WDR3: variants seen among roughly 807,000 people sequenced by gnomAD.
WDR3 encodes the protein WD repeat-containing protein 3.
WDR3 carries 81 observed loss-of-function variants against 123.7 expected under a neutral mutation model. The ratio of observed to expected loss-of-function variants is 0.65; its 90% confidence interval spans 0.55 to 0.79. WDR3 has a LOEUF of 0.79. Ranked by LOEUF, WDR3 falls within the 30% of genes least tolerant of loss-of-function variation. The pLI, the probability that WDR3 is intolerant of heterozygous loss-of-function variation, is 0.00. For synonymous variants in WDR3, 390 were observed against 388.8 expected (o/e 1.00, Z -0.04); for missense variants, 1,027 against 1,123.2 (o/e 0.91, Z 1.22).
Position 117,934,489 on chromosome 1 carries a change from G to T in WDR3, c.188G>T (p.Gly63Val), listed in dbSNP as rs1464165551. ...TGATTTCAGATTCTTATCCTTCAGG[G>T]GCTTAAACAAGAAGTTACTTGCTTA... ...RKGEKILILQ[G>V]LKQEVTCLCP... The change falls in exon 3 of 27, where the codon GGG becomes GTG. Residue 63 changes from glycine to valine, a missense_variant. Gly to Val is a moderately radical substitution (Grantham distance 109). Transcript: ENST00000349139. 6.2e-7 allele frequency: 1 copy of T among 1,613,650 alleles called. No homozygotes were observed. Among genetic ancestry groups the T allele is most frequent in the Non-Finnish European group, 8.5e-7 (1 of 1,179,888 alleles).
rs746360659 is a variant in WDR3, at chr1:117,953,556, A to C, written c.2268+15A>C. ...CAGTGAAAGCAGTAAGTTGATATAGAATGTGGTATCTCGTTTTTTAATAAG... is the reference window on the plus strand; with the variant it reads ...CAGTGAAAGCAGTAAGTTGATATAGCATGTGGTATCTCGTTTTTTAATAAG... On this transcript the variant is annotated intron_variant, in intron 21 of 26. Coordinates refer to ENST00000349139, the MANE Select transcript of WDR3 (RefSeq NM_006784.3). The C allele has an allele frequency of 1.2e-6, 2 of 1,608,316 alleles. No homozygotes were observed. The highest frequency in any genetic ancestry group is 1.7e-6 in the Non-Finnish European group (2 of 1,177,304).
intron 1 of WDR3, among the ~76,000 whole-genome samples, chr1:117,931,144 A>G (rs1178854536): frequency 5.9e-5 from 9 of 152,110 alleles, no homozygotes; most frequent in Non-Finnish European, 1.2e-4. Flanking sequence ...TGTGTTGCCT[A>G]TGTTGGTCTG....
rs900529696 is a variant in WDR3 at position 117,962,769 on chromosome 1, A to G, written c.*3322A>G. On this transcript the variant is annotated 3_prime_UTR_variant, in exon 27 of 27. Transcript: ENST00000349139. ...AAGATATCTAGCAAATCTCCAGCAGAGATCTAGGACAGTGCCCAGGAAAGC... is the reference window on the plus strand; with the variant it reads ...AAGATATCTAGCAAATCTCCAGCAGGGATCTAGGACAGTGCCCAGGAAAGC... The G allele has an allele frequency of 6.6e-6, 1 of 152,276 alleles. No individual in the cohort carries two copies. The highest frequency in any genetic ancestry group is 2.4e-5 in the African/African-American group (1 of 41,476). 9.4% of individuals were successfully genotyped at this position (152,276 alleles called of 1,614,324 possible). A position where few individuals can be genotyped will look rare whatever the true frequency, so the allele number is the denominator to read the frequency against.
intron 9 of WDR3, 58 bp downstream of exon 9, chr1:117,941,905 C>T: frequency 2.0e-6 from 3 of 1,496,908 alleles, no homozygotes; most frequent in Non-Finnish European, 2.6e-6. Flanking sequence ...CCCCATGTTA[C>T]TGAAAAAAAA....
chr1:117,960,361 GA>G lies in WDR3; in HGVS notation c.*918del, dbSNP rs1432784395. ...TACTGTATTCTTAAAGTAAGCTAGA[GA>G]AAAGAAAATGTTACTTAGAAAATCA... On this transcript the variant is annotated 3_prime_UTR_variant, in exon 27 of 27. Transcript: ENST00000349139. 3 of 152,086 alleles carry G rather than the reference GA, an allele frequency of 2.0e-5. No homozygotes were observed. Among genetic ancestry groups the G allele is most frequent in the Non-Finnish European group, 4.4e-5 (3 of 68,006 alleles). The allele number at this position is 152,086 out of a possible 1,614,324, so 9.4% of individuals were successfully genotyped here. A position where few individuals can be genotyped will look rare whatever the true frequency, so the allele number is the denominator to read the frequency against.
intron 2 of WDR3, chr1:117,933,721 A>G (rs1164068834): frequency 1.8e-6 from 1 of 563,504 alleles, no homozygotes; most frequent in Non-Finnish European, 3.2e-6. Context: ...TTAGATGTCT[A>G]TTTGTTGGAA....
Position 117,952,508 on chromosome 1 carries a change from AT to A in WDR3, c.2017-10del, listed in dbSNP as rs373138481. On this transcript the variant is annotated intron_variant, in intron 18 of 26. Coordinates refer to ENST00000349139, the MANE Select transcript of WDR3 (RefSeq NM_006784.3). ...GTGGTCAATGAATGAGGTATTCTTT[AT>A]TTTTTTTTTCTCCTCCAGGGTCATC... is the stretch of plus-strand genomic sequence containing the variant. The A allele has an allele frequency of 6.7e-4, 1,002 of 1,499,540 alleles. 2 individuals are homozygous for A. The East Asian group carries it at 0.01, about 15-fold the overall frequency. The allele number at this position is 1,499,540 out of a possible 1,614,324, so 92.9% of individuals were successfully genotyped here.
At chr1:117,941,895 C>T (rs1192660540) in intron 9 of WDR3, 48 bp downstream of exon 9, 4 of 1,517,684 alleles carry the variant, frequency 2.6e-6, no homozygotes, top group Non-Finnish European at 1.8e-6. Flanking sequence ...CCTGGGTAGG[C>T]CCCATGTTAC....
At chr1:117,949,938 G>A in intron 14 of WDR3, 57 bp from the exon 15 acceptor site, 2 of 1,611,996 alleles carry the variant, frequency 1.2e-6, no homozygotes, top group Non-Finnish European at 1.7e-6. Context: ...AAAGAGTTAG[G>A]ATTTGTCTGA....
At position 117,961,289 on chromosome 1, in the gene WDR3, T is replaced by C. The variant is rs151185496; in HGVS notation, c.*1842T>C. On this transcript the variant is annotated 3_prime_UTR_variant, in exon 27 of 27. Coordinates refer to ENST00000349139, the MANE Select transcript of WDR3 (RefSeq NM_006784.3). ...ACACAGTGAGACTCCATCTCCAAAA[T>C]AATAATAGTAAAAAAAAATCTGTAT... is the stretch of plus-strand genomic sequence containing the variant. 1,327 of 151,986 alleles carry C rather than the reference T, an allele frequency of 8.7e-3. 10 individuals are homozygous for C. The highest frequency in any genetic ancestry group is 0.014 in the Non-Finnish European group (976 of 67,956). The allele number at this position is 151,986 out of a possible 1,614,324, so 9.4% of individuals were successfully genotyped here.
chr1:117,937,110 T>G (rs940752367), intron 4 of WDR3, among the ~76,000 whole-genome samples: 1 of 152,190 alleles, frequency 6.6e-6, no homozygotes, highest in African/African-American at 2.4e-5. Flanking sequence ...TCTTTTTTCT[T>G]GATATCAGTT....
At position 117,962,698 on chromosome 1, in the gene WDR3, T is replaced by G. The variant is rs1329203196; in HGVS notation, c.*3251T>G. ...GCTAGGTGCTTTGTATATTTGGTAT[T>G]AAATTGTTTCTCAATGGCAAATGTC... On this transcript the variant is annotated 3_prime_UTR_variant, in exon 27 of 27. Transcript: ENST00000349139. 2 of 152,256 alleles carry G rather than the reference T, an allele frequency of 1.3e-5. No homozygotes were observed. Among genetic ancestry groups the G allele is most frequent in the African/African-American group, 4.8e-5 (2 of 41,472 alleles). The allele number at this position is 152,256 out of a possible 1,614,324, so 9.4% of individuals were successfully genotyped here. A position where few individuals can be genotyped will look rare whatever the true frequency, so the allele number is the denominator to read the frequency against.
chr1:117,953,396 A>T, intron 20 of WDR3, 80 bp from the exon 21 acceptor site: 4 of 1,353,546 alleles, frequency 3.0e-6, no homozygotes, highest in Non-Finnish European at 4.2e-6. Flanking sequence ...AGCTGTTCTC[A>T]TATGGATGTA....
In WDR3 at chr1:117,940,728, C is replaced by T. The variant is rs111464532; in HGVS notation, c.676-99C>T. ...GGGCGACAGAGTAAGACTCTGTCTC[C>T]GACAACAACAACAACAACAACAAAA... On this transcript the variant is annotated intron_variant, in intron 6 of 26. Coordinates refer to ENST00000349139, the MANE Select transcript of WDR3 (RefSeq NM_006784.3). 60 of 1,122,446 alleles carry T rather than the reference C, an allele frequency of 5.3e-5. No homozygotes were observed. In the East Asian group the frequency reaches 8.4e-4, roughly 16 times the overall value. 69.5% of individuals were successfully genotyped at this position (1,122,446 alleles called of 1,614,324 possible). A position where few individuals can be genotyped will look rare whatever the true frequency, so the allele number is the denominator to read the frequency against.
intron 6 of WDR3, 52 bp from the exon 7 acceptor site, chr1:117,940,775 G>T (rs1651119554): frequency 7.6e-6 from 11 of 1,444,832 alleles, no homozygotes; most frequent in South Asian, 6.2e-5. Context: ...ACAACAACAT[G>T]CCTCCTGGAA....
At chr1:117,945,339 C>G (rs763918323) in intron 11 of WDR3, among the ~76,000 whole-genome samples, 7 of 152,200 alleles carry the variant, frequency 4.6e-5, no homozygotes, top group Admixed American at 6.5e-5. Flanking sequence ...GGTCTTCTTG[C>G]TATTCCTTCA....
chr1:117,957,093 C>T lies in WDR3; in HGVS notation c.2479C>T (p.Leu827=). The T allele has an allele frequency of 6.2e-7, 1 of 1,600,126 alleles. No individual in the cohort carries two copies. The highest frequency in any genetic ancestry group is 8.5e-7 in the Non-Finnish European group (1 of 1,174,210). Residue 827 remains leucine (L), a synonymous_variant, in exon 25 of 27, where the codon CTG becomes TTG. Transcript: ENST00000349139. The stretch of plus-strand genomic sequence containing the variant: ...TGAGCTGGAAGAATCTCTACTTGTG[C>T]TGCCTTTCTCTTATGTCCCAGACAT... ...SSELEESLLV[L]PFSYVPDILK...
chr1:117,964,236 CTT>C lies in WDR3; in HGVS notation c.*4805_*4806del, dbSNP rs373131863. 6.8e-3 allele frequency: 889 copies of C among 131,542 alleles called. No homozygotes were observed. The highest frequency in any genetic ancestry group is 0.014 in the South Asian group (59 of 4,306). The allele number at this position is 131,542 out of a possible 1,614,324, so 8.1% of individuals were successfully genotyped here. On this transcript the variant is annotated 3_prime_UTR_variant, in exon 27 of 27. Coordinates refer to ENST00000349139, the MANE Select transcript of WDR3 (RefSeq NM_006784.3). ...AACCATATCTACATCAGATTTCATGCTTTTTTTTTTTTTTTTTGGTGGGGAGA... is the reference window on the plus strand; with the variant it reads ...AACCATATCTACATCAGATTTCATGCTTTTTTTTTTTTTTTGGTGGGGAGA...
Position 117,934,543 on chromosome 1 carries a change from C to T in WDR3, c.242C>T (p.Ala81Val), listed in dbSNP as rs1406622636. Reference sequence around the variant, plus strand: ...CCCTCCCCAGATGGGCTACACTTAGCTGTTGGGTATGAGGATGGGTCGATC... The same window carrying T: ...CCCTCCCCAGATGGGCTACACTTAGTTGTTGGGTATGAGGATGGGTCGATC... ...LCPSPDGLHL[A>V]VGYEDGSIRI... Residue 81 changes from alanine to valine, a missense_variant, in exon 3 of 27, where the codon GCT becomes GTT. Coordinates refer to ENST00000349139, the MANE Select transcript of WDR3 (RefSeq NM_006784.3). 1 of 1,614,036 alleles carries T rather than the reference C, an allele frequency of 6.2e-7. No homozygotes were observed. Among genetic ancestry groups the T allele is most frequent in the African/African-American group, 1.3e-5 (1 of 74,932 alleles).
Sources: allele counts gnomAD v4.1 joint callset (sites outside exome capture counted in the v4.1 genomes callset), GRCh38; gene constraint gnomAD v4.1.1; transcripts MANE v1.5; gene names NCBI Gene and HGNC (gene_info 2026-07-23, HGNC 2026-07-21).